Variants in FAM149A observed in about 807,000 individuals in gnomAD.
The protein encoded by FAM149A is family with sequence similarity 149 member A, also known as protein FAM149A.
In FAM149A, 71 loss-of-function variants were observed where a neutral mutation model predicts 78.2. The observed-to-expected ratio is 0.91, with a 90% CI of 0.75 to 1.11. FAM149A has a LOEUF of 1.11. FAM149A is among the 50% of genes least tolerant of loss of function. The probability of loss-of-function intolerance (pLI) is 0.00; values close to 1 mark genes in which losing one functional copy is unlikely to be tolerated. For synonymous variants in FAM149A, 446 were observed against 410.5 expected (o/e 1.09, Z -1.04); for missense variants, 1,036 against 971.0 (o/e 1.07, Z -0.89).
chr4:186,170,079 A>G (rs114297695), intron 13 of FAM149A, among the ~76,000 whole-genome samples: 2,003 of 152,158 alleles, frequency 0.013, 41 homozygotes, highest in African/African-American at 0.046. Flanking sequence ...CTTCCTTTCC[A>G]CCAGGTGCAC....
intron 5 of FAM149A, 120 bp from the exon 6 acceptor site, chr4:186,154,348 C>A: frequency 1.3e-6 from 1 of 778,222 alleles, no homozygotes. Context: ...AATATTCAAC[C>A]GTTTTGGGAG....
rs115104187 is a variant in FAM149A, at chr4:186,139,490, T to G, written c.567-9683T>G. Among the ~76,000 whole-genome samples, 955 of 152,076 alleles carry G rather than the reference T, an allele frequency of 6.3e-3. 10 individuals are homozygous for G. The highest frequency in any genetic ancestry group is 0.048 in the Middle Eastern group (14 of 294). On this transcript the variant is annotated intron_variant, in intron 1 of 13. Coordinates refer to ENST00000389354, the MANE Select transcript of FAM149A (RefSeq NM_001367768.3). The stretch of plus-strand genomic sequence containing the variant: ...GGCCCTGGGGGCTTCTTCACCCTTT[T>G]GGCCATGTGAAGACACAGCTGGAAG...
At chr4:186,162,104 T>G (rs1203352010) in intron 8 of FAM149A, among the ~76,000 whole-genome samples, 2 of 152,234 alleles carry the variant, frequency 1.3e-5, no homozygotes, top group Non-Finnish European at 2.9e-5. Context: ...ACGCTTTCTG[T>G]CATCTCATTT....
At position 186,105,547 on chromosome 4, in the gene FAM149A, C is replaced by T; in HGVS notation, c.471C>T (p.Cys157=). 1 of 1,135,162 alleles carries T rather than the reference C, an allele frequency of 8.8e-7. No homozygotes were observed. Among genetic ancestry groups the T allele is most frequent in the Non-Finnish European group, 1.1e-6 (1 of 920,114 alleles). 70.3% of individuals were successfully genotyped at this position (1,135,162 alleles called of 1,614,324 possible). A position where few individuals can be genotyped will look rare whatever the true frequency, so the allele number is the denominator to read the frequency against. The change falls in exon 1 of 14, where the codon TGC becomes TGT. Residue 157 remains cysteine, a synonymous_variant. Transcript: ENST00000389354. ...CCGGAGAGCGAGAGCTCGGCGCCTG[C>T]GTGGCCCCCGGGGCTGGCCCCAGAA...
rs1401771537 is a variant in FAM149A, at chr4:186,149,675, A to C, written c.760A>C (p.Arg254=). 1.6e-6 allele frequency: 2 copies of C among 1,289,126 alleles called. No homozygotes were observed. The highest frequency in any genetic ancestry group is 1.1e-4 in the East Asian group (2 of 17,960). 79.9% of individuals were successfully genotyped at this position (1,289,126 alleles called of 1,614,324 possible). The change falls in exon 3 of 14, where the codon AGG becomes CGG. Residue 254 remains arginine (R), a synonymous_variant. Coordinates refer to ENST00000389354, the MANE Select transcript of FAM149A (RefSeq NM_001367768.3). ...CTCTACCACCGGCTCATCCACGGAG[A>C]GGGGCTCCGTTTATTCCTGGAGAGA...
rs1248513601 is a variant in FAM149A at position 186,105,124 on chromosome 4, C to G, written c.48C>G (p.Phe16Leu). Residue 16 changes from phenylalanine to leucine, a missense_variant, in exon 1 of 14, where the codon TTC becomes TTG. Phe to Leu is a conservative substitution (Grantham distance 22, BLOSUM62 0). Transcript: ENST00000389354. Reference sequence around the variant, plus strand: ...TTGGGTCTCTCTTGGCCAAACTCTTCGAGACCTCGACGGCGCCCCCCGCAG... The same window carrying G: ...TTGGGTCTCTCTTGGCCAAACTCTTGGAGACCTCGACGGCGCCCCCCGCAG... 7.8e-7 allele frequency: 1 copy of G among 1,280,924 alleles called. No individual in the cohort carries two copies. Among genetic ancestry groups the G allele is most frequent in the Non-Finnish European group, 1.0e-6 (1 of 985,236 alleles). The allele number at this position is 1,280,924 out of a possible 1,614,324, so 79.3% of individuals were successfully genotyped here. A position where few individuals can be genotyped will look rare whatever the true frequency, so the allele number is the denominator to read the frequency against.
At position 186,174,407 on chromosome 4, in the gene FAM149A, T is replaced by TA. The variant is rs1399619614; in HGVS notation, c.*2422dup. ...TCCAGCCATGCCTCTGCAAAGGACA[T>TA]AATCTCATTCTTTTTTATGAGCTCA... On this transcript the variant is annotated 3_prime_UTR_variant, in exon 14 of 14. Coordinates refer to ENST00000389354, the MANE Select transcript of FAM149A (RefSeq NM_001367768.3). 1.8e-5 allele frequency among the ~76,000 whole-genome samples: 2 copies of TA among 111,516 alleles called. No homozygotes were observed. Among genetic ancestry groups the TA allele is most frequent in the African/African-American group, 5.6e-5 (2 of 35,496 alleles). 73.2% of individuals were successfully genotyped at this position (111,516 alleles called of 152,430 possible).
At position 186,144,751 on chromosome 4, in the gene FAM149A, A is replaced by C; in HGVS notation, c.567-4422A>C. ...GGCCGGGGCCGGGGCCGGGGCCCGG[A>C]GCGGGGATGGGCGGGCGCAGCCGGG... On this transcript the variant is annotated intron_variant, in intron 1 of 13. Coordinates refer to ENST00000389354, the MANE Select transcript of FAM149A (RefSeq NM_001367768.3). This position sits in a 1 kb window ranked among gnomAD's most constrained non-coding sequence, Gnocchi z 4.2. The C allele has an allele frequency of 4.6e-6, 4 of 871,394 alleles. No individual in the cohort carries two copies. The highest frequency in any genetic ancestry group is 4.1e-6 in the Non-Finnish European group (3 of 739,994). 54.0% of individuals were successfully genotyped at this position (871,394 alleles called of 1,614,324 possible).
intron 1 of FAM149A, among the ~76,000 whole-genome samples, chr4:186,132,621 G>GGTAT (rs2099321180): frequency 6.6e-6 from 1 of 152,118 alleles, no homozygotes; most frequent in South Asian, 2.1e-4. Context: ...GGGATAGGAG[G>GGTAT]GTATGGTCTC....
rs1201477246 is a variant in FAM149A at position 186,174,064 on chromosome 4, C to T, written c.*2077C>T. On this transcript the variant is annotated 3_prime_UTR_variant, in exon 14 of 14. Coordinates refer to ENST00000389354, the MANE Select transcript of FAM149A (RefSeq NM_001367768.3). ...ATTTCCAGGAACCATCCAACTCCTT[C>T]CCTATTCAGTCCAAACTTCCTTTTT... 1.9e-5 allele frequency among the ~76,000 whole-genome samples: 2 copies of T among 104,276 alleles called. No homozygotes were observed. The highest frequency in any genetic ancestry group is 6.6e-5 in the African/African-American group (2 of 30,394). The allele number at this position is 104,276 out of a possible 152,430, so 68.4% of individuals were successfully genotyped here. A position where few individuals can be genotyped will look rare whatever the true frequency, so the allele number is the denominator to read the frequency against.
intron 5 of FAM149A, 96 bp downstream of exon 5, chr4:186,153,866 A>G: frequency 7.2e-7 from 1 of 1,394,656 alleles, no homozygotes; most frequent in Non-Finnish European, 9.7e-7. Context: ...GGCTCCACCC[A>G]TTTTGGAAAT....
At chr4:186,109,794 G>T (rs902998182) in intron 1 of FAM149A, 2 of 984,128 alleles carry the variant, frequency 2.0e-6, no homozygotes, top group African/African-American at 3.5e-5. Flanking sequence ...TTTACCATGT[G>T]GCTGTAATAA....
At position 186,113,254 on chromosome 4, in the gene FAM149A, C is replaced by T. The variant is rs935459141; in HGVS notation, c.566+7612C>T. On this transcript the variant is annotated intron_variant, in intron 1 of 13. Coordinates refer to ENST00000389354, the MANE Select transcript of FAM149A (RefSeq NM_001367768.3). ...GGATCAGTGGTGATATCCCCTTTATCATTTTTTATTGTGTCTATTTGATTC... is the reference window on the plus strand; with the variant it reads ...GGATCAGTGGTGATATCCCCTTTATTATTTTTTATTGTGTCTATTTGATTC... Among the ~76,000 whole-genome samples, 303 of 96,780 alleles carry T rather than the reference C, an allele frequency of 3.1e-3. 7 individuals are homozygous for T. The highest frequency in any genetic ancestry group is 0.011 in the African/African-American group (288 of 25,232). 63.5% of individuals were successfully genotyped at this position (96,780 alleles called of 152,430 possible).
chr4:186,121,610 G>A (rs1297947577), intron 1 of FAM149A, among the ~76,000 whole-genome samples: 2 of 152,208 alleles, frequency 1.3e-5, no homozygotes, highest in Non-Finnish European at 2.9e-5. Flanking sequence ...TATGGAAGAT[G>A]TACGGAGACA....
chr4:186,157,906 A>AC, intron 8 of FAM149A, 187 bp downstream of exon 8: 1 of 1,534,302 alleles, frequency 6.5e-7, no homozygotes, highest in South Asian at 1.2e-5. Context: ...ATGCCTGGAG[A>AC]CCTGGACGTC....
At chr4:186,108,932 C>T (rs2099309989) in intron 1 of FAM149A, 1 of 150,932 alleles carries the variant, frequency 6.6e-6, no homozygotes, top group African/African-American at 2.4e-5. Context: ...ACTGCAAGCT[C>T]CGCCTCCTGG....
At chr4:186,123,655 A>G (rs2099317000) in intron 1 of FAM149A, 1 of 235,958 alleles carries the variant, frequency 4.2e-6, no homozygotes. Context: ...GGGGTCCAGG[A>G]AACAGACATG....
intron 1 of FAM149A, among the ~76,000 whole-genome samples, chr4:186,106,451 T>C: frequency 6.6e-6 from 1 of 152,156 alleles, no homozygotes. Context: ...TAAATTTTCA[T>C]CCTGAATGCT....
At chr4:186,161,083 A>G (rs1036192608) in intron 8 of FAM149A, among the ~76,000 whole-genome samples, 3 of 152,136 alleles carry the variant, frequency 2.0e-5, no homozygotes, top group Non-Finnish European at 4.4e-5. Flanking sequence ...AATCCTTTGT[A>G]ATTAGATTTT....
Sources: gnomAD v4.1 joint callset for allele counts (sites outside exome capture counted in the v4.1 genomes callset) on GRCh38, gnomAD v4.1.1 for gene constraint, Gnocchi (gnomAD v3.1) non-coding constraint, MANE v1.5 for transcripts, NCBI Gene and HGNC (gene_info 2026-07-23, HGNC 2026-07-21) for gene names.